Variants in CFAP99 observed in about 807,000 individuals in gnomAD.
CFAP99 encodes cilia and flagella associated protein 99.
Under a neutral mutation model 82.7 loss-of-function variants are expected in CFAP99, and 84 were observed. That is an observed-to-expected ratio of 1.02 (90% CI 0.85 to 1.22). The LOEUF is 1.22. Among genes scored for constraint, CFAP99 ranks in the 50% most tolerant of loss-of-function variants. CFAP99 has a pLI of 0.00. For synonymous variants in CFAP99, 456 were observed against 429.5 expected (o/e 1.06, Z -0.76); for missense variants, 1,059 against 983.5 (o/e 1.08, Z -1.03).
intron 2 of CFAP99, among the ~76,000 whole-genome samples, chr4:2,435,024 G>A (rs1733879502): frequency 6.6e-6 from 1 of 152,034 alleles, no homozygotes; most frequent in African/African-American, 2.4e-5. Flanking sequence ...GGCTGGGTGG[G>A]GTGGCTCACA....
chr4:2,435,824 C>CGAGGTGGGAAGCAGCTACTCAGGAGGCT (rs1560380331), intron 2 of CFAP99, among the ~76,000 whole-genome samples: 2 of 142,834 alleles, frequency 1.4e-5, no homozygotes, highest in Non-Finnish European at 3.1e-5. Context: ...CTCAGGAGGC[C>CGAGGTGGGAAGCAGCTACTCAGGAGGCT]GAGGTGGGAA....
chr4:2,456,525 TTG>T (rs1734442234), intron 11 of CFAP99, among the ~76,000 whole-genome samples: 1 of 152,110 alleles, frequency 6.6e-6, no homozygotes, highest in Admixed American at 6.5e-5. Flanking sequence ...AAAAAAATGT[TTG>T]TTTGTTTTTG....
intron 11 of CFAP99, among the ~76,000 whole-genome samples, chr4:2,452,697 T>C (rs1033598768): frequency 6.6e-6 from 1 of 152,220 alleles, no homozygotes; most frequent in Non-Finnish European, 1.5e-5. Context: ...ATTGCTTCTT[T>C]TGATAGTTTC....
chr4:2,459,372 G>T, intron 13 of CFAP99, 114 bp downstream of exon 13: 1 of 1,264,494 alleles, frequency 7.9e-7, no homozygotes. Context: ...TGCACCACCT[G>T]AAACCTGGCC....
At chr4:2,425,471 TG>T (rs1248213014) in intron 1 of CFAP99, among the ~76,000 whole-genome samples, 1 of 152,126 alleles carries the variant, frequency 6.6e-6, no homozygotes, top group African/African-American at 2.4e-5. Flanking sequence ...GGTCCAGGTC[TG>T]GGGACTGCTA....
Position 2,462,156 on chromosome 4 carries a change from C to G in CFAP99, c.1662-287C>G, listed in dbSNP as rs1174791143. On this transcript the variant is annotated intron_variant, in intron 14 of 14. Transcript: ENST00000635017. This position sits in a 1 kb window ranked among gnomAD's most constrained non-coding sequence, Gnocchi z 4.1. ...TGGGCGACAGAGTGAGACCCTGCCTCAAACAAACAAACAAACAACAACAAC... is the reference window on the plus strand; with the variant it reads ...TGGGCGACAGAGTGAGACCCTGCCTGAAACAAACAAACAAACAACAACAAC... 3.9e-6 allele frequency: 1 copy of G among 253,546 alleles called. No individual in the cohort carries two copies. Among genetic ancestry groups the G allele is most frequent in the East Asian group, 7.7e-5 (1 of 13,052 alleles). The allele number at this position is 253,546 out of a possible 1,614,324, so 15.7% of individuals were successfully genotyped here.
At chr4:2,426,391 G>A (rs969877485) in intron 1 of CFAP99, 68 bp from the exon 2 acceptor site, 36 of 973,748 alleles carry the variant, frequency 3.7e-5, no homozygotes, top group Admixed American at 4.0e-5. Context: ...GACTCCTGTC[G>A]CTGCTGGGGA....
chr4:2,420,488 C>T (rs11248104), intron 1 of CFAP99, among the ~76,000 whole-genome samples: 25,398 of 151,930 alleles, frequency 0.17, 2,362 homozygotes, highest in African/African-American at 0.25. Context: ...TGGGCTTGTC[C>T]ACTGAGTGAA....
intron 1 of CFAP99, among the ~76,000 whole-genome samples, chr4:2,423,995 G>A (rs1391403882): frequency 4.6e-5 from 7 of 152,228 alleles, no homozygotes; most frequent in Non-Finnish European, 2.9e-5. Context: ...TGGTCTCCAG[G>A]GCCTGTTTTC....
At chr4:2,451,682 C>T (rs922496125) in intron 10 of CFAP99, among the ~76,000 whole-genome samples, 4 of 151,916 alleles carry the variant, frequency 2.6e-5, no homozygotes, top group South Asian at 2.1e-4. Flanking sequence ...GGCTGCAAAC[C>T]CCTGTGCTTA....
chr4:2,438,251 G>C (rs925754333), intron 4 of CFAP99, 87 bp downstream of exon 4: 3 of 811,128 alleles, frequency 3.7e-6, no homozygotes, highest in African/African-American at 1.7e-5. Context: ...ATTCTGGTTG[G>C]GTTGTTTTGT....
intron 2 of CFAP99, 61 bp from the exon 3 acceptor site, chr4:2,436,813 C>T: frequency 7.1e-7 from 1 of 1,400,716 alleles, no homozygotes; most frequent in Non-Finnish European, 9.7e-7. Context: ...GTGTCCCACC[C>T]CCACCGCCGC....
At chr4:2,443,045 G>A in intron 4 of CFAP99, 85 bp from the exon 5 acceptor site, 1 of 703,412 alleles carries the variant, frequency 1.4e-6, no homozygotes, top group South Asian at 1.7e-5. Context: ...TGGGGGCAGG[G>A]AGCTCACTGG....
chr4:2,447,025 T>C (rs374694618), intron 6 of CFAP99, among the ~76,000 whole-genome samples: 1 of 151,448 alleles, frequency 6.6e-6, no homozygotes, highest in Non-Finnish European at 1.5e-5. Flanking sequence ...GATGGGTAGA[T>C]GGATGGATGG....
rs1578478004 is a variant in CFAP99, at chr4:2,449,534, C to CAATG, written c.643-136_643-135insAATG. ...AGCACCCGGTGGTGTTAGCTCCAGC[C>CAATG]CTGTTTCTCCTCCAATGCAGGCCGC... On this transcript the variant is annotated intron_variant, in intron 6 of 14. Transcript: ENST00000635017. The CAATG allele has an allele frequency of 2.2e-5, 16 of 738,140 alleles. No individual in the cohort carries two copies. In the East Asian group the frequency reaches 4.1e-4, roughly 19 times the overall value. The allele number at this position is 738,140 out of a possible 1,614,324, so 45.7% of individuals were successfully genotyped here.
At chr4:2,426,774 G>C (rs1266862165) in intron 2 of CFAP99, 188 bp downstream of exon 2, 1 of 580,742 alleles carries the variant, frequency 1.7e-6, no homozygotes, top group Admixed American at 2.9e-5. Flanking sequence ...ATGTGTGTCA[G>C]GCCAGGCTCT....
At position 2,458,882 on chromosome 4, in the gene CFAP99, G is replaced by A. The variant is rs1297759969; in HGVS notation, c.1303+18G>A. ...GCAGACAGGTAGTCAGGAGCCAGAT[G>A]TCACTGGCCCTACCCCGCTCTTCCC... On this transcript the variant is annotated intron_variant, in intron 12 of 14. Transcript: ENST00000635017. 3.8e-5 allele frequency: 58 copies of A among 1,530,716 alleles called. No homozygotes were observed. The East Asian group carries it at 1.4e-3, about 37-fold the overall frequency. 94.8% of individuals were successfully genotyped at this position (1,530,716 alleles called of 1,614,324 possible).
intron 1 of CFAP99, among the ~76,000 whole-genome samples, chr4:2,426,044 G>A (rs1469283688): frequency 1.3e-5 from 2 of 152,204 alleles, no homozygotes; most frequent in Non-Finnish European, 2.9e-5. Flanking sequence ...CAAAGCTGAG[G>A]GACGCTCAGA....
At chr4:2,451,220 G>T in intron 9 of CFAP99, 44 bp from the exon 10 acceptor site, 17 of 1,531,124 alleles carry the variant, frequency 1.1e-5, no homozygotes, top group Non-Finnish European at 1.5e-5. Flanking sequence ...CTGCTCCCAA[G>T]GGTCTCCTCA....
Sources: gnomAD v4.1 joint callset for allele counts (sites outside exome capture counted in the v4.1 genomes callset) on GRCh38, gnomAD v4.1.1 for gene constraint, Gnocchi (gnomAD v3.1) non-coding constraint, MANE v1.5 for transcripts, NCBI Gene and HGNC (gene_info 2026-07-23, HGNC 2026-07-21) for gene names.